Variants in SMYD2 observed in about 807,000 individuals in gnomAD.
The protein encoded by SMYD2 is N-lysine methyltransferase SMYD2.
A neutral mutation model predicts 59.1 loss-of-function variants in SMYD2; 53 were observed. That is an observed-to-expected ratio of 0.90 (90% CI 0.72 to 1.13). The LOEUF is 1.13. Among genes scored for constraint, SMYD2 ranks in the 50% most tolerant of loss-of-function variants. The pLI is 0.00. For synonymous variants in SMYD2, 208 were observed against 198.8 expected, an observed-to-expected ratio of 1.05 and a Z score of -0.39; for missense variants, 494 against 544.7, an observed-to-expected ratio of 0.91 and a Z score of 0.93.
At chr1:214,307,302 T>C (rs1389982343) in intron 2 of SMYD2, among the ~76,000 whole-genome samples, 1 of 152,268 alleles carries the variant, frequency 6.6e-6, no homozygotes, top group Non-Finnish European at 1.5e-5. Flanking sequence ...ATTAAAGTTT[T>C]ATATAAGCTG....
intron 10 of SMYD2, chr1:214,332,440 A>G: frequency 2.2e-6 from 1 of 446,642 alleles, no homozygotes; most frequent in South Asian, 3.4e-5. Context: ...AGGTCCATCC[A>G]GGGCCATATC....
chr1:214,286,693 A>C (rs12724396), intron 1 of SMYD2, among the ~76,000 whole-genome samples: 7,892 of 142,898 alleles, frequency 0.055, 220 homozygotes, highest in East Asian at 0.1. Flanking sequence ...CTAGGAACCC[A>C]GGAGGCAGAG....
chr1:214,326,431 T>G (rs753333058), intron 6 of SMYD2, among the ~76,000 whole-genome samples: 11 of 152,114 alleles, frequency 7.2e-5, no homozygotes, highest in Non-Finnish European at 1.6e-4. Context: ...TTTAGAAATG[T>G]GCTTTTATTT....
intron 1 of SMYD2, among the ~76,000 whole-genome samples, chr1:214,294,945 G>A (rs1248448386): frequency 6.6e-6 from 1 of 152,098 alleles, no homozygotes; most frequent in African/African-American, 2.4e-5. Flanking sequence ...TTTTAATCAC[G>A]TGAGTTTTAT....
intron 10 of SMYD2, 73 bp downstream of exon 10, chr1:214,332,265 C>A: frequency 6.5e-7 from 1 of 1,531,008 alleles, no homozygotes; most frequent in Admixed American, 1.9e-5. Flanking sequence ...ATAGTGTCAT[C>A]TTCCTGCCCA....
rs144682298 is a variant in SMYD2 at position 214,307,617 on chromosome 1, G to A, written c.237+2367G>A. 5.4e-3 allele frequency among the ~76,000 whole-genome samples: 819 copies of A among 152,230 alleles called. 7 individuals are homozygous for A. The highest frequency in any genetic ancestry group is 8.5e-3 in the Non-Finnish European group (578 of 68,008). On this transcript the variant is annotated intron_variant, in intron 2 of 11. Coordinates refer to ENST00000366957, the MANE Select transcript of SMYD2 (RefSeq NM_020197.3). ...GTGTGTGGCATGTGGAGTTAGCTCC[G>A]AGTCTGAGTCTTCTGAGCACGCTGC...
chr1:214,298,870 T>C (rs887566931), intron 1 of SMYD2, among the ~76,000 whole-genome samples: 1 of 152,200 alleles, frequency 6.6e-6, no homozygotes, highest in Non-Finnish European at 1.5e-5. Flanking sequence ...ATAACAGATG[T>C]GGCTGTGCAT....
rs1365011763 is a variant in SMYD2 at position 214,281,264 on chromosome 1, G to T, written c.10G>T (p.Glu4Ter). Residue 4 changes from glutamate to a stop codon, truncating the protein, a stop_gained, in exon 1 of 12, where the codon GAG becomes TAG. Coordinates refer to ENST00000366957, the MANE Select transcript of SMYD2 (RefSeq NM_020197.3). LOFTEE classifies it high-confidence loss of function. Reference sequence around the variant, plus strand: ...GCGCCCCGCCGCCACCATGAGGGCCGAGGGCCTCGGCGGCCTGGAGCGCTT... The same window carrying T: ...GCGCCCCGCCGCCACCATGAGGGCCTAGGGCCTCGGCGGCCTGGAGCGCTT... MRA[E>*]GLGGLERFCS... is the part of the protein sequence containing the mutation. 6 of 1,264,514 alleles carry T rather than the reference G, an allele frequency of 4.7e-6. No homozygotes were observed. Among genetic ancestry groups the T allele is most frequent in the East Asian group, 6.4e-5 (2 of 31,438 alleles). 78.3% of individuals were successfully genotyped at this position (1,264,514 alleles called of 1,614,324 possible). A position where few individuals can be genotyped will look rare whatever the true frequency, so the allele number is the denominator to read the frequency against.
chr1:214,297,883 C>G (rs1656759658), intron 1 of SMYD2, among the ~76,000 whole-genome samples: 1 of 152,022 alleles, frequency 6.6e-6, no homozygotes, highest in African/African-American at 2.4e-5. Context: ...AAAATTCACA[C>G]TGCTGAAAGA....
chr1:214,284,401 C>T (rs1295658913), intron 1 of SMYD2, among the ~76,000 whole-genome samples: 1 of 151,088 alleles, frequency 6.6e-6, no homozygotes, highest in Non-Finnish European at 1.5e-5. Context: ...GCTGGGATTA[C>T]AGGAATGCGT....
At chr1:214,320,161 A>G (rs1213028545) in intron 5 of SMYD2, among the ~76,000 whole-genome samples, 1 of 152,234 alleles carries the variant, frequency 6.6e-6, no homozygotes, top group Non-Finnish European at 1.5e-5. Context: ...TGGCATCTCC[A>G]TGTGATGGAA....
chr1:214,332,296 C>T, intron 10 of SMYD2, 104 bp downstream of exon 10: 1 of 1,367,124 alleles, frequency 7.3e-7, no homozygotes, highest in Non-Finnish European at 9.9e-7. Context: ...TTGCCTAGCG[C>T]AGCTGCCTCT....
intron 1 of SMYD2, among the ~76,000 whole-genome samples, chr1:214,282,486 T>C (rs907955505): frequency 1.3e-5 from 2 of 152,230 alleles, no homozygotes; most frequent in African/African-American, 2.4e-5. Context: ...TTGCTTTCTT[T>C]GAACCTCAGT....
intron 7 of SMYD2, among the ~76,000 whole-genome samples, chr1:214,328,674 T>C (rs901900090): frequency 1.3e-5 from 2 of 152,236 alleles, no homozygotes; most frequent in Non-Finnish European, 2.9e-5. Context: ...ACTGTCAGCG[T>C]GCTGAATGAC....
rs551166693 is a variant in SMYD2 at position 214,312,518 on chromosome 1, C to T, written c.238-2244C>T. Among the ~76,000 whole-genome samples the T allele has an allele frequency of 1.3e-5, 2 of 152,192 alleles. No individual in the cohort carries two copies. The highest frequency in any genetic ancestry group is 2.4e-5 in the African/African-American group (1 of 41,448). On this transcript the variant is annotated intron_variant, in intron 2 of 11. Coordinates refer to ENST00000366957, the MANE Select transcript of SMYD2 (RefSeq NM_020197.3). This position sits in a 1 kb window ranked among gnomAD's most constrained non-coding sequence, Gnocchi z 4.1. The stretch of plus-strand genomic sequence containing the variant: ...AAAGGAAGAATGATGGGGAAGTGCT[C>T]TTTCTGACAGGGTGATTGTGGCAGG...
chr1:214,297,540 C>G (rs1345896804), intron 1 of SMYD2, among the ~76,000 whole-genome samples: 1 of 152,132 alleles, frequency 6.6e-6, no homozygotes, highest in Non-Finnish European at 1.5e-5. Flanking sequence ...TAGTCGAACA[C>G]TCATAGGATC....
chr1:214,321,246 GTA>G (rs34914083), intron 5 of SMYD2, among the ~76,000 whole-genome samples: 121 of 151,614 alleles, frequency 8.0e-4, no homozygotes, highest in African/African-American at 2.8e-3. Flanking sequence ...CTTAAAAAAT[GTA>G]TATATATATA....
chr1:214,335,369 A>G (rs1236860634), intron 11 of SMYD2, among the ~76,000 whole-genome samples: 1 of 152,242 alleles, frequency 6.6e-6, no homozygotes, highest in Admixed American at 6.5e-5. Flanking sequence ...GTGATTAAGT[A>G]ATAGATCAAT....
intron 2 of SMYD2, among the ~76,000 whole-genome samples, chr1:214,305,729 G>A (rs1656906565): frequency 6.6e-6 from 1 of 151,946 alleles, no homozygotes. Context: ...GGGCTATTCT[G>A]AACTCGTAAT....
Sources: allele counts gnomAD v4.1 joint callset (sites outside exome capture counted in the v4.1 genomes callset), GRCh38; gene constraint gnomAD v4.1.1; non-coding constraint Gnocchi (gnomAD v3.1); transcripts MANE v1.5; gene names NCBI Gene and HGNC (gene_info 2026-07-23, HGNC 2026-07-21).